The following UBE2W variants were observed in gnomAD, a reference collection of about 807,000 sequenced individuals.
The protein encoded by UBE2W is ubiquitin-conjugating enzyme E2 W.
In UBE2W, 18 loss-of-function variants were observed where a neutral mutation model predicts 27.2. The observed-to-expected ratio is 0.66, with a 90% confidence interval of 0.46 to 0.98. The LOEUF is 0.98. Ranked by LOEUF, UBE2W falls within the 50% of genes least tolerant of loss-of-function variation. The pLI, the probability that UBE2W is intolerant of heterozygous loss-of-function variation, is 0.00. For synonymous variants in UBE2W, 53 were observed against 57.2 expected (o/e 0.93, Z 0.33); for missense variants, 90 against 180.2 (o/e 0.50, Z 2.87).
At chr8:73,855,810 T>A (rs1315087790) in intron 1 of UBE2W, among the ~76,000 whole-genome samples, 5 of 152,184 alleles carry the variant, frequency 3.3e-5, no homozygotes, top group African/African-American at 1.2e-4. Context: ...AATAAAAAAA[T>A]CATTTAATTA....
intron 1 of UBE2W, among the ~76,000 whole-genome samples, chr8:73,857,261 C>A (rs1811340585): frequency 6.6e-6 from 1 of 151,976 alleles, no homozygotes; most frequent in South Asian, 2.1e-4. Context: ...AAAAAAATCA[C>A]ATTTAATTCT....
At chr8:73,809,695 TCA>T (rs1263116714) in intron 4 of UBE2W, among the ~76,000 whole-genome samples, 1 of 152,164 alleles carries the variant, frequency 6.6e-6, no homozygotes, top group Non-Finnish European at 1.5e-5. Flanking sequence ...TTCTCCTACC[TCA>T]GTCTCCTGAG....
At chr8:73,809,963 T>C (rs1809083737) in intron 4 of UBE2W, among the ~76,000 whole-genome samples, 1 of 152,110 alleles carries the variant, frequency 6.6e-6, no homozygotes, top group Non-Finnish European at 1.5e-5. Context: ...TGTGGATTAA[T>C]AAAGGAGAAC....
intron 3 of UBE2W, among the ~76,000 whole-genome samples, chr8:73,820,898 C>T (rs1809585715): frequency 6.6e-6 from 1 of 152,152 alleles, no homozygotes; most frequent in South Asian, 2.1e-4. Context: ...CTGCAGTGAG[C>T]TATGATTACA....
chr8:73,865,794 T>A (rs372599922), intron 1 of UBE2W, among the ~76,000 whole-genome samples: 2 of 152,218 alleles, frequency 1.3e-5, no homozygotes, highest in Non-Finnish European at 2.9e-5. Context: ...ATTCTAATTT[T>A]AAAATTTTTT....
chr8:73,787,190 C>G lies in UBE2W; in HGVS notation c.*6912G>C. 1 of 985,396 alleles carries G rather than the reference C, an allele frequency of 1.0e-6. No homozygotes were observed. The allele number at this position is 985,396 out of a possible 1,614,324, so 61.0% of individuals were successfully genotyped here. ...TAAAAAAATGGTTGAAAGGGGCTCC[C>G]AACAGGACAGATAACCACAGTGGCT... On this transcript the variant is annotated 3_prime_UTR_variant, in exon 6 of 6. Transcript: ENST00000602593.
intron 2 of UBE2W, among the ~76,000 whole-genome samples, chr8:73,826,061 C>A (rs1354470950): frequency 6.6e-6 from 1 of 151,980 alleles, no homozygotes; most frequent in Non-Finnish European, 1.5e-5. Context: ...AGAAGATTAA[C>A]AGGGCAAGGG....
intron 1 of UBE2W, among the ~76,000 whole-genome samples, chr8:73,871,826 A>G (rs1164108490): frequency 6.6e-6 from 1 of 152,070 alleles, no homozygotes; most frequent in Admixed American, 6.6e-5. Context: ...TTATTTTTAT[A>G]TATACTTTTT....
At position 73,793,184 on chromosome 8, in the gene UBE2W, T is replaced by C. The variant is rs906190579; in HGVS notation, c.*918A>G. ...AATAAATGAAATAGTGTTTAGGCAG[T>C]AGGGCTCATGCTGATGGCTAGCAGG... On this transcript the variant is annotated 3_prime_UTR_variant, in exon 6 of 6. Transcript: ENST00000602593. 1 of 985,714 alleles carries C rather than the reference T, an allele frequency of 1.0e-6. No homozygotes were observed. Among genetic ancestry groups the C allele is most frequent in the African/African-American group, 1.7e-5 (1 of 57,238 alleles). The allele number at this position is 985,714 out of a possible 1,614,324, so 61.1% of individuals were successfully genotyped here.
At position 73,851,963 on chromosome 8, in the gene UBE2W, T is replaced by TA. The variant is rs1229715370; in HGVS notation, c.16-21492dup. Among the ~76,000 whole-genome samples the TA allele has an allele frequency of 6.9e-3, 810 of 117,202 alleles. 9 individuals are homozygous for TA. The highest frequency in any genetic ancestry group is 0.02 in the African/African-American group (606 of 30,486). The allele number at this position is 117,202 out of a possible 152,430, so 76.9% of individuals were successfully genotyped here. A position where few individuals can be genotyped will look rare whatever the true frequency, so the allele number is the denominator to read the frequency against. ...ACCCAGTCTCTCTTTTTTTTTTTTT[T>TA]AAAAAAAAAAAAAAAGGAAAGAGAA... On this transcript the variant is annotated intron_variant, in intron 1 of 5. Coordinates refer to ENST00000602593, the MANE Select transcript of UBE2W (RefSeq NM_018299.6).
intron 3 of UBE2W, among the ~76,000 whole-genome samples, chr8:73,824,863 G>T (rs1323839291): frequency 6.6e-6 from 1 of 152,206 alleles, no homozygotes; most frequent in Non-Finnish European, 1.5e-5. Context: ...ACAGCATGGG[G>T]GTTGGGGACC....
chr8:73,781,619 G>GTTTTTTTTTTTTTTTTTTTTTTTT (rs112691687), downstream of UBE2W, among the ~76,000 whole-genome samples: 3 of 140,880 alleles, frequency 2.1e-5, no homozygotes, highest in Non-Finnish European at 3.1e-5. Context: ...TCAGGTTTGG[G>GTTTTTTTTTTTTTTTTTTTTTTTT]TTTTTTTTTT....
chr8:73,791,099 T>G lies in UBE2W; in HGVS notation c.*3003A>C. ...CTTTCTTCTGGGGATTAAAAATGAT[T>G]TATTTCCCTGCTGGCTAAAATGATA... On this transcript the variant is annotated 3_prime_UTR_variant, in exon 6 of 6. Transcript: ENST00000602593. The G allele has an allele frequency of 1.0e-6, 1 of 985,054 alleles. No individual in the cohort carries two copies. The highest frequency in any genetic ancestry group is 5.2e-4 in the Middle Eastern group (1 of 1,912). 61.0% of individuals were successfully genotyped at this position (985,054 alleles called of 1,614,324 possible).
At chr8:73,861,926 A>G (rs990022170) in intron 1 of UBE2W, among the ~76,000 whole-genome samples, 1 of 152,250 alleles carries the variant, frequency 6.6e-6, no homozygotes, top group South Asian at 2.1e-4. Flanking sequence ...CTTTGACAGA[A>G]CTATAATTAT....
downstream of UBE2W, chr8:73,786,098 G>A (rs1586426593): frequency 1.7e-6 from 1 of 602,818 alleles, no homozygotes; most frequent in Non-Finnish European, 2.1e-6. Context: ...TCTATGTCAG[G>A]TTTACCTTTA....
At chr8:73,821,688 T>C (rs1809621971) in intron 3 of UBE2W, among the ~76,000 whole-genome samples, 4 of 150,624 alleles carry the variant, frequency 2.7e-5, no homozygotes, top group Admixed American at 2.6e-4. Flanking sequence ...ACTGTAATGG[T>C]TCAAATAAAA....
Position 73,786,994 on chromosome 8 carries a change from CACATTAAGTCCCT to C in UBE2W, c.*7095_*7107del. 2 of 985,374 alleles carry C rather than the reference CACATTAAGTCCCT, an allele frequency of 2.0e-6. No individual in the cohort carries two copies. Among genetic ancestry groups the C allele is most frequent in the Non-Finnish European group, 2.4e-6 (2 of 829,916 alleles). The allele number at this position is 985,374 out of a possible 1,614,324, so 61.0% of individuals were successfully genotyped here. On this transcript the variant is annotated 3_prime_UTR_variant, in exon 6 of 6. Transcript: ENST00000602593. ...TCTTGTCTAATGACATATATTCACC[CACATTAAGTCCCT>C]GAAGGCCAGATACAGACATGAGAAG... is the stretch of plus-strand genomic sequence containing the variant.
chr8:73,853,968 G>A (rs1554584861), intron 1 of UBE2W, among the ~76,000 whole-genome samples: 1 of 152,034 alleles, frequency 6.6e-6, no homozygotes, highest in Non-Finnish European at 1.5e-5. Context: ...GGGCAACATA[G>A]TAAGACCCCC....
At chr8:73,869,536 C>T (rs1249204462) in intron 1 of UBE2W, among the ~76,000 whole-genome samples, 1 of 152,244 alleles carries the variant, frequency 6.6e-6, no homozygotes, top group African/African-American at 2.4e-5. Context: ...ACTAAAAATA[C>T]AAAAATTAGC....
Sources: gnomAD v4.1 joint callset for allele counts (sites outside exome capture counted in the v4.1 genomes callset) on GRCh38, gnomAD v4.1.1 for gene constraint, MANE v1.5 for transcripts, NCBI Gene and HGNC (gene_info 2026-07-23, HGNC 2026-07-21) for gene names.